The following KCTD16 variants were observed in gnomAD, a reference collection of about 807,000 sequenced individuals.
KCTD16 encodes potassium channel tetramerization domain containing 16.
Under a neutral mutation model 33.2 loss-of-function variants are expected in KCTD16, and 13 were observed. That is an observed-to-expected ratio of 0.39 (90% CI 0.25 to 0.62). KCTD16 has a LOEUF of 0.62. Among genes scored for constraint, KCTD16 ranks in the 20% least tolerant of loss-of-function variants. The pLI is 0.50. For missense variants in KCTD16, 441 were observed against 525.1 expected, an observed-to-expected ratio of 0.84 and a Z score of 1.57; for synonymous variants, 197 against 195.3, an observed-to-expected ratio of 1.01 and a Z score of -0.07.
chr5:144,180,021 G>A (rs7725518), intron 2 of KCTD16, among the ~76,000 whole-genome samples: 68,821 of 151,900 alleles, frequency 0.45, 16,501 homozygotes, highest in African/African-American at 0.61. Context: ...CTGTTCCTCA[G>A]TGCTTCTAGC....
intron 3 of KCTD16, among the ~76,000 whole-genome samples, chr5:144,256,957 T>C (rs1754866138): frequency 6.6e-6 from 1 of 152,178 alleles, no homozygotes; most frequent in Admixed American, 6.5e-5. Flanking sequence ...ACTGTCTTTC[T>C]GAGAGGGGAG....
At chr5:144,444,948 A>G (rs773832053) in intron 3 of KCTD16, among the ~76,000 whole-genome samples, 1 of 149,538 alleles carries the variant, frequency 6.7e-6, no homozygotes, top group Non-Finnish European at 1.5e-5. Context: ...AATGCTATAT[A>G]GTATTTATAA....
chr5:144,274,085 G>T (rs187717000), intron 3 of KCTD16, among the ~76,000 whole-genome samples: 21 of 151,156 alleles, frequency 1.4e-4, no homozygotes, highest in Admixed American at 1.1e-3. Context: ...TAAGAAAAAG[G>T]TTAAAATAAT....
intron 3 of KCTD16, among the ~76,000 whole-genome samples, chr5:144,320,601 ACT>A (rs2126884203): frequency 1.3e-5 from 2 of 152,298 alleles, no homozygotes; most frequent in East Asian, 3.9e-4. Flanking sequence ...TGAAAGTGAC[ACT>A]GTTTAAAGGA....
At chr5:144,212,687 G>A (rs1753434865) in intron 3 of KCTD16, among the ~76,000 whole-genome samples, 3 of 152,286 alleles carry the variant, frequency 2.0e-5, no homozygotes, top group Admixed American at 2.0e-4. Flanking sequence ...ATGGATAGAT[G>A]AATGCTCAGT....
At position 144,479,365 on chromosome 5, in the gene KCTD16, C is replaced by CAAAAAAAAAAAAAA. The variant is rs368957124; in HGVS notation, c.*5254_*5267dup. On this transcript the variant is annotated 3_prime_UTR_variant, in exon 4 of 4. Coordinates refer to ENST00000512467, the MANE Select transcript of KCTD16 (RefSeq NM_020768.4). Reference sequence around the variant, plus strand: ...CCAAACTGATGTGTAAGAATAAATGCAAAAAAAAAAAAAAAAGAAAAAGAA... The same window carrying CAAAAAAAAAAAAAA: ...CCAAACTGATGTGTAAGAATAAATGCAAAAAAAAAAAAAAAAAAAAAAAAAAAAAAGAAAAAGAA... 4 of 92,456 alleles carry CAAAAAAAAAAAAAA rather than the reference C, an allele frequency of 4.3e-5. No homozygotes were observed. Among genetic ancestry groups the CAAAAAAAAAAAAAA allele is most frequent in the South Asian group, 3.8e-4 (1 of 2,600 alleles). 5.7% of individuals were successfully genotyped at this position (92,456 alleles called of 1,614,324 possible).
Position 144,383,610 on chromosome 5 carries a change from C to T in KCTD16, c.833-90050C>T, listed in dbSNP as rs189411805. On this transcript the variant is annotated intron_variant, in intron 3 of 3. Transcript: ENST00000512467. ...TTACAGCAGCTGAAAACATTGCTTT[C>T]CTAAAACTGCAATATTTTTTCAGGA... Among the ~76,000 whole-genome samples, 339 of 149,894 alleles carry T rather than the reference C, an allele frequency of 2.3e-3. 3 individuals carry two copies. The highest frequency in any genetic ancestry group is 7.9e-3 in the African/African-American group (324 of 41,064).
intron 2 of KCTD16, among the ~76,000 whole-genome samples, chr5:144,186,095 C>T (rs901502737): frequency 2.6e-5 from 4 of 152,108 alleles, no homozygotes; most frequent in African/African-American, 7.2e-5. Context: ...GTCTTCAGAG[C>T]CTCTTCTATA....
intron 3 of KCTD16, among the ~76,000 whole-genome samples, chr5:144,250,760 T>A (rs969443303): frequency 3.9e-5 from 6 of 152,162 alleles, no homozygotes; most frequent in Non-Finnish European, 7.3e-5. Context: ...TTTGTTTCAT[T>A]TCATAACATT....
At chr5:144,184,966 G>C (rs2126776117) in intron 2 of KCTD16, among the ~76,000 whole-genome samples, 1 of 152,250 alleles carries the variant, frequency 6.6e-6, no homozygotes, top group African/African-American at 2.4e-5. Context: ...CATTATTTCA[G>C]ATCTCAGTAA....
Position 144,206,887 on chromosome 5 carries a change from A to T in KCTD16, c.173A>T (p.Lys58Met), listed in dbSNP as rs1456165493. Residue 58 changes from lysine to methionine, a missense_variant, in exon 3 of 4, where the codon AAG becomes ATG. This residue lies in a region of KCTD16 where 80 missense variants were observed against 88.5 expected (regional missense o/e 0.90). Coordinates refer to ENST00000512467, the MANE Select transcript of KCTD16 (RefSeq NM_020768.4). The part of the protein sequence containing the change: ...HSLLWKMFSP[K>M]RDTANDLAKD... ...CTCCTGTGGAAAATGTTTTCCCCAA[A>T]GAGAGACACGGCTAATGATCTAGCC... is the stretch of plus-strand genomic sequence containing the variant. 2 of 1,614,062 alleles carry T rather than the reference A, an allele frequency of 1.2e-6. No individual in the cohort carries two copies. Among genetic ancestry groups the T allele is most frequent in the African/African-American group, 2.7e-5 (2 of 74,920 alleles).
intron 3 of KCTD16, among the ~76,000 whole-genome samples, chr5:144,290,159 G>A (rs1333034987): frequency 6.6e-6 from 1 of 152,036 alleles, no homozygotes; most frequent in East Asian, 1.9e-4. Flanking sequence ...TCCAGGCAAG[G>A]AGGCGCATGT....
At chr5:144,426,080 C>G (rs1035518500) in intron 3 of KCTD16, among the ~76,000 whole-genome samples, 1 of 152,046 alleles carries the variant, frequency 6.6e-6, no homozygotes, top group African/African-American at 2.4e-5. Context: ...TTTCTTGCAT[C>G]TCACTGTATG....
chr5:144,261,328 A>C (rs1384268176), intron 3 of KCTD16, among the ~76,000 whole-genome samples: 1 of 152,234 alleles, frequency 6.6e-6, no homozygotes, highest in African/African-American at 2.4e-5. Context: ...TTTATTTAAA[A>C]CACTAGATTT....
intron 3 of KCTD16, among the ~76,000 whole-genome samples, chr5:144,443,297 C>A (rs1753753394): frequency 6.6e-6 from 1 of 152,068 alleles, no homozygotes; most frequent in South Asian, 2.1e-4. Flanking sequence ...ATTGTTCTTA[C>A]CAAAAGTTTG....
At chr5:144,304,652 G>A (rs1008257663) in intron 3 of KCTD16, among the ~76,000 whole-genome samples, 3 of 152,142 alleles carry the variant, frequency 2.0e-5, no homozygotes, top group African/African-American at 7.2e-5. Flanking sequence ...GATTGGGGAT[G>A]AGGCAGAATA....
At chr5:144,461,812 T>G (rs1183779964) in intron 3 of KCTD16, among the ~76,000 whole-genome samples, 1 of 152,234 alleles carries the variant, frequency 6.6e-6, no homozygotes, top group East Asian at 1.9e-4. Context: ...CACCCCCGGC[T>G]ACGGAACACA....
chr5:144,179,805 G>A (rs1752579731), intron 2 of KCTD16, among the ~76,000 whole-genome samples: 1 of 152,108 alleles, frequency 6.6e-6, no homozygotes, highest in Admixed American at 6.5e-5. Context: ...CCCAACTCTA[G>A]GACATAAAAT....
chr5:144,359,867 G>A lies in KCTD16; in HGVS notation c.833-113793G>A, dbSNP rs187045700. 1.3e-3 allele frequency among the ~76,000 whole-genome samples: 196 copies of A among 152,018 alleles called. 2 individuals carry two copies. Among genetic ancestry groups the A allele is most frequent in the South Asian group, 4.4e-3 (21 of 4,800 alleles). On this transcript the variant is annotated intron_variant, in intron 3 of 3. Transcript: ENST00000512467. ...AATGGATGTGCCCCTCCGAAAACTT[G>A]TGCAAAGCCTTGTGTAAATGTGCAT... is the stretch of plus-strand genomic sequence containing the variant.
Sources: gnomAD v4.1 joint callset for allele counts (sites outside exome capture counted in the v4.1 genomes callset) on GRCh38, gnomAD v4.1.1 for gene constraint, gnomAD v4.1.1 regional missense constraint, MANE v1.5 for transcripts, NCBI Gene and HGNC (gene_info 2026-07-23, HGNC 2026-07-21) for gene names.